Variants in GABPA observed in about 807,000 individuals in gnomAD.
GABPA encodes GA binding protein transcription factor subunit alpha.
A neutral mutation model predicts 59.4 loss-of-function variants in GABPA; 4 were observed. That is an observed-to-expected ratio of 0.07 (90% CI 0.03 to 0.15). The LOEUF (loss-of-function observed/expected upper bound fraction) is 0.15, where lower values mean the gene tolerates loss of function less well. GABPA is among the 10% of genes least tolerant of loss of function. GABPA has a pLI of 1.00. For synonymous variants in GABPA, 164 were observed against 183.1 expected, an observed-to-expected ratio of 0.90 and a Z score of 0.84; for missense variants, 251 against 543.8, an observed-to-expected ratio of 0.46 and a Z score of 5.36.
chr21:25,746,757 A>G (rs1211248976), intron 3 of GABPA, among the ~76,000 whole-genome samples: 1 of 152,192 alleles, frequency 6.6e-6, no homozygotes, highest in Non-Finnish European at 1.5e-5. Context: ...CTCCCATTTA[A>G]TATCTGTTAA....
intron 9 of GABPA, among the ~76,000 whole-genome samples, chr21:25,768,687 G>C (rs1366024386): frequency 1.3e-5 from 2 of 151,870 alleles, no homozygotes; most frequent in Non-Finnish European, 2.9e-5. Context: ...CTTGTTCTTA[G>C]GCTCTTCTAC....
chr21:25,736,051 T>A (rs1601101176), intron 1 of GABPA, among the ~76,000 whole-genome samples: 1 of 152,150 alleles, frequency 6.6e-6, no homozygotes, highest in Non-Finnish European at 1.5e-5. Flanking sequence ...CACACCAGAA[T>A]CATTTATCAG....
At chr21:25,737,258 TTC>T (rs2035097797) in intron 1 of GABPA, among the ~76,000 whole-genome samples, 1 of 152,228 alleles carries the variant, frequency 6.6e-6, no homozygotes, top group South Asian at 2.1e-4. Flanking sequence ...GCAAGTAATT[TTC>T]TCTCAGTTTT....
intron 9 of GABPA, among the ~76,000 whole-genome samples, chr21:25,765,340 C>G (rs1265625161): frequency 1.3e-5 from 2 of 151,966 alleles, no homozygotes; most frequent in African/African-American, 4.8e-5. Flanking sequence ...GGAATTATGT[C>G]TGATTTTTTG....
At position 25,752,070 on chromosome 21, in the gene GABPA, A is replaced by G. The variant is rs1385501499; in HGVS notation, c.389A>G (p.His130Arg). Residue 130 changes from histidine (H) to arginine (R), a missense_variant, in exon 5 of 10, where the codon CAT (histidine) becomes CGT (arginine). By Grantham distance (29) the His-to-Arg change is conservative. Coordinates refer to ENST00000400075, the MANE Select transcript of GABPA (RefSeq NM_002040.4). ...VEVVIDPDAH[H>R]AESEAHLVEE... ...GTTGTTATTGATCCAGATGCCCACCATGCTGAATCAGAAGCACATCTTGTT... is the reference window on the plus strand; with the variant it reads ...GTTGTTATTGATCCAGATGCCCACCGTGCTGAATCAGAAGCACATCTTGTT... The G allele has an allele frequency of 3.1e-6, 5 of 1,605,222 alleles. No homozygotes were observed. The highest frequency in any genetic ancestry group is 1.3e-5 in the African/African-American group (1 of 74,726).
intron 1 of GABPA, among the ~76,000 whole-genome samples, chr21:25,736,945 A>G (rs2035085340): frequency 6.6e-6 from 1 of 152,194 alleles, no homozygotes; most frequent in Non-Finnish European, 1.5e-5. Flanking sequence ...TCTCGCAGGT[A>G]CCCCCACACT....
Position 25,756,047 on chromosome 21 carries a change from T to C in GABPA, c.554-1963T>C, listed in dbSNP as rs567603092. Among the ~76,000 whole-genome samples the C allele has an allele frequency of 6.1e-4, 93 of 152,176 alleles. 1 individual carries two copies. Among genetic ancestry groups the C allele is most frequent in the Admixed American group, 2.9e-3 (45 of 15,270 alleles). On this transcript the variant is annotated intron_variant, in intron 5 of 9. Transcript: ENST00000400075. ...CACTTTGTACTCATGTTCCTATGATTTTGCATCTTTTAAAAATTCCTTTAC... is the reference window on the plus strand; with the variant it reads ...CACTTTGTACTCATGTTCCTATGATCTTGCATCTTTTAAAAATTCCTTTAC...
chr21:25,760,313 G>C (rs2035734391), intron 6 of GABPA, among the ~76,000 whole-genome samples: 1 of 152,190 alleles, frequency 6.6e-6, no homozygotes, highest in Admixed American at 6.5e-5. Flanking sequence ...GCTCAGTGTA[G>C]TTAGTACTCT....
At chr21:25,735,674 C>T (rs1273488300) in intron 1 of GABPA, 96 bp downstream of exon 1, 9 of 149,416 alleles carry the variant, frequency 6.0e-5, no homozygotes, top group African/African-American at 2.2e-4. Context: ...CCGCGGCCGC[C>T]TCTGTGTTTT....
At chr21:25,763,039 T>A in intron 7 of GABPA, 1 of 359,622 alleles carries the variant, frequency 2.8e-6, no homozygotes, top group South Asian at 3.0e-5. Flanking sequence ...CTTTGATTCA[T>A]CTATATTGGG....
intron 5 of GABPA, 131 bp from the exon 6 acceptor site, chr21:25,757,879 T>A: frequency 1.0e-5 from 3 of 291,886 alleles, no homozygotes; most frequent in East Asian, 5.4e-5. Context: ...TTTTGCTTCA[T>A]ATAGTAAGTT....
intron 2 of GABPA, among the ~76,000 whole-genome samples, chr21:25,742,759 CAAAA>C (rs33986584): frequency 7.0e-6 from 1 of 142,654 alleles, no homozygotes; most frequent in African/African-American, 2.6e-5. Context: ...ACAAAACATA[CAAAA>C]AAAAAAAAAA....
At chr21:25,740,650 A>G (rs2035196436) in intron 1 of GABPA, among the ~76,000 whole-genome samples, 1 of 152,232 alleles carries the variant, frequency 6.6e-6, no homozygotes, top group Non-Finnish European at 1.5e-5. Flanking sequence ...TTTACATGGG[A>G]TAATTAAAAA....
At chr21:25,754,372 G>A (rs1018701552) in intron 5 of GABPA, among the ~76,000 whole-genome samples, 1 of 152,062 alleles carries the variant, frequency 6.6e-6, no homozygotes, top group Non-Finnish European at 1.5e-5. Flanking sequence ...ATAAATACCT[G>A]TGTTCTTTTT....
At chr21:25,758,312 A>C (rs1310258283) in intron 6 of GABPA, 108 bp downstream of exon 6, 3 of 763,242 alleles carry the variant, frequency 3.9e-6, no homozygotes, top group African/African-American at 3.6e-5. Flanking sequence ...GTAATAAGCA[A>C]TAATAATTAA....
chr21:25,758,303 TAATAAGC>T (rs1312505749), intron 6 of GABPA, 99 bp downstream of exon 6: 7 of 776,592 alleles, frequency 9.0e-6, no homozygotes, highest in African/African-American at 1.8e-5. Flanking sequence ...TAATGATAAG[TAATAAGC>T]AATAATAATT....
chr21:25,750,619 A>G (rs1363141466), intron 4 of GABPA, among the ~76,000 whole-genome samples: 1 of 152,222 alleles, frequency 6.6e-6, no homozygotes, highest in East Asian at 1.9e-4. Context: ...AAAATTTAGA[A>G]TAATTTCATC....
rs775485306 is a variant in GABPA, at chr21:25,764,611, C to A, written c.960C>A (p.Ile320=). Residue 320 remains isoleucine (I), a synonymous_variant, in exon 9 of 10, where the codon ATC becomes ATA. Coordinates refer to ENST00000400075, the MANE Select transcript of GABPA (RefSeq NM_002040.4). Reference sequence around the variant, plus strand: ...CCAATTTAGGAAACAATGGCCAAATCCAACTATGGCAGTTTTTGCTAGAAC... The same window carrying A: ...CCAATTTAGGAAACAATGGCCAAATACAACTATGGCAGTTTTTGCTAGAAC... ...PGNRTGNNGQ[I]QLWQFLLELL... 185 of 1,611,630 alleles carry A rather than the reference C, an allele frequency of 1.1e-4. No homozygotes were observed. Among genetic ancestry groups the A allele is most frequent in the Non-Finnish European group, 1.5e-4 (172 of 1,178,658 alleles).
At chr21:25,762,785 G>A (rs2146095123) in intron 7 of GABPA, among the ~76,000 whole-genome samples, 1 of 152,298 alleles carries the variant, frequency 6.6e-6, no homozygotes, top group Non-Finnish European at 1.5e-5. Context: ...CAAACTTGAG[G>A]AGTTACAATG....
Sources: allele counts gnomAD v4.1 joint callset (sites outside exome capture counted in the v4.1 genomes callset), GRCh38; gene constraint gnomAD v4.1.1; transcripts MANE v1.5; gene names NCBI Gene and HGNC (gene_info 2026-07-23, HGNC 2026-07-21).